BTBD9: variants seen among roughly 807,000 people sequenced by gnomAD.
BTBD9 encodes BTB/POZ domain-containing protein 9.
Under a neutral mutation model 64.3 loss-of-function variants are expected in BTBD9, and 49 were observed. The observed-to-expected ratio is 0.76, with a 90% confidence interval of 0.61 to 0.97. The LOEUF (loss-of-function observed/expected upper bound fraction) is 0.97. BTBD9 is among the 50% of genes least tolerant of loss of function. BTBD9 has a pLI of 0.00. For missense variants in BTBD9, 598 were observed against 762.1 expected (o/e 0.78, Z 2.53); for synonymous variants, 260 against 274.7 (o/e 0.95, Z 0.53).
chr6:38,432,647 CTT>C (rs1582420800), intron 6 of BTBD9, among the ~76,000 whole-genome samples: 1 of 152,022 alleles, frequency 6.6e-6, no homozygotes, highest in East Asian at 1.9e-4. Flanking sequence ...GTTTTTCAGA[CTT>C]TTGCATTCTG....
chr6:38,598,128 T>C lies in BTBD9; in HGVS notation c.-27-7A>G, dbSNP rs1418624193. On this transcript the variant is annotated splice_polypyrimidine_tract_variant and splice_region_variant and intron_variant, in intron 1 of 10. Coordinates refer to ENST00000481247, the MANE Select transcript of BTBD9 (RefSeq NM_001099272.2). ...ATAGACGATAGTCGTTGTTCTATCA[T>C]ATAAAGAAGGAATGAGAGTTAGTTG... is the stretch of plus-strand genomic sequence containing the variant. 3.8e-6 allele frequency: 6 copies of C among 1,592,756 alleles called. No individual in the cohort carries two copies. The highest frequency in any genetic ancestry group is 5.1e-6 in the Non-Finnish European group (6 of 1,166,262).
At chr6:38,515,257 G>A (rs938171556) in intron 6 of BTBD9, among the ~76,000 whole-genome samples, 4 of 152,088 alleles carry the variant, frequency 2.6e-5, no homozygotes, top group Non-Finnish European at 5.9e-5. Context: ...CTTAAAGAGC[G>A]GATTTAATGA....
At chr6:38,245,939 T>C (rs1764178748) in intron 9 of BTBD9, among the ~76,000 whole-genome samples, 1 of 152,198 alleles carries the variant, frequency 6.6e-6, no homozygotes, top group Non-Finnish European at 1.5e-5. Context: ...GAAAAAATTA[T>C]TACCCTCACA....
intron 6 of BTBD9, among the ~76,000 whole-genome samples, chr6:38,519,605 A>C (rs1773195404): frequency 6.6e-6 from 1 of 152,232 alleles, no homozygotes; most frequent in African/African-American, 2.4e-5. Context: ...GGAGGAACTC[A>C]AGCTGCAGTC....
At chr6:38,450,272 A>G (rs553342545) in intron 6 of BTBD9, among the ~76,000 whole-genome samples, 1 of 152,200 alleles carries the variant, frequency 6.6e-6, no homozygotes, top group Non-Finnish European at 1.5e-5. Flanking sequence ...TTTAGCAGGG[A>G]GGAGAAGATG....
intron 6 of BTBD9, among the ~76,000 whole-genome samples, chr6:38,509,615 A>C (rs1273070786): frequency 1.3e-5 from 2 of 152,192 alleles, no homozygotes. Context: ...TAACTACACA[A>C]TACTTTAGTA....
At chr6:38,282,942 C>G (rs1454478628) in intron 8 of BTBD9, among the ~76,000 whole-genome samples, 1 of 152,184 alleles carries the variant, frequency 6.6e-6, no homozygotes, top group Non-Finnish European at 1.5e-5. Flanking sequence ...ACTAGAATGT[C>G]AGTTCCATGA....
chr6:38,385,187 T>C (rs1258128004), intron 6 of BTBD9, among the ~76,000 whole-genome samples: 1 of 148,706 alleles, frequency 6.7e-6, no homozygotes, highest in South Asian at 2.2e-4. Flanking sequence ...GTGAAAATCT[T>C]ACGTACTTTT....
Position 38,302,487 on chromosome 6 carries a change from A to ATG in BTBD9, c.1265-14027_1265-14026insCA, listed in dbSNP as rs551031528. ...GAATAATATTCCATTGTGTGTATGT[A>ATG]TATATATATATATATATATATATAT... On this transcript the variant is annotated intron_variant, in intron 7 of 10. Transcript: ENST00000481247. 1.3e-3 allele frequency among the ~76,000 whole-genome samples: 28 copies of ATG among 20,852 alleles called. 1 individual carries two copies. The highest frequency in any genetic ancestry group is 4.0e-3 in the East Asian group (2 of 502). The allele number at this position is 20,852 out of a possible 152,430, so 13.7% of individuals were successfully genotyped here.
At chr6:38,303,123 G>A (rs1368946735) in intron 7 of BTBD9, among the ~76,000 whole-genome samples, 6 of 151,996 alleles carry the variant, frequency 3.9e-5, no homozygotes, top group South Asian at 2.1e-4. Context: ...TGCCTTTGCC[G>A]TGCAGAAGCT....
intron 6 of BTBD9, among the ~76,000 whole-genome samples, chr6:38,403,728 T>C (rs949530103): frequency 1.3e-5 from 2 of 152,204 alleles, no homozygotes; most frequent in African/African-American, 4.8e-5. Flanking sequence ...TACTCCTAGT[T>C]ATATACTCAA....
chr6:38,501,796 G>A lies in BTBD9; in HGVS notation c.1154+75804C>T, dbSNP rs961924487. Among the ~76,000 whole-genome samples, 9 of 37,322 alleles carry A rather than the reference G, an allele frequency of 2.4e-4. No homozygotes were observed. The Admixed American group carries it at 2.9e-3, about 12-fold the overall frequency. 24.5% of individuals were successfully genotyped at this position (37,322 alleles called of 152,430 possible). ...AATCCAGCAGTCTTCTCTTTATTAT[G>A]CCAGACATTAAGATTTGCAAGGCTA... On this transcript the variant is annotated intron_variant, in intron 6 of 10. Coordinates refer to ENST00000481247, the MANE Select transcript of BTBD9 (RefSeq NM_001099272.2).
intron 6 of BTBD9, among the ~76,000 whole-genome samples, chr6:38,366,936 G>C (rs1206165195): frequency 1.3e-5 from 2 of 152,222 alleles, no homozygotes; most frequent in Non-Finnish European, 2.9e-5. Context: ...TGCTCTCAAT[G>C]TCCTGACTAT....
chr6:38,589,837 C>G (rs934336532), intron 4 of BTBD9, among the ~76,000 whole-genome samples: 1 of 152,164 alleles, frequency 6.6e-6, no homozygotes, highest in African/African-American at 2.4e-5. Context: ...CATAGGAAAG[C>G]TCTCTCCTCC....
Position 38,527,987 on chromosome 6 carries a change from T to A in BTBD9, c.1154+49613A>T, listed in dbSNP as rs188988505. Among the ~76,000 whole-genome samples, 166 of 152,076 alleles carry A rather than the reference T, an allele frequency of 1.1e-3. 1 individual carries two copies. Among genetic ancestry groups the A allele is most frequent in the African/African-American group, 3.9e-3 (161 of 41,436 alleles). On this transcript the variant is annotated intron_variant, in intron 6 of 10. Transcript: ENST00000481247. ...AGTCAGGTAAGTGATCATAATAATATTATATTAAGGAAAGAGGCACTGAAG... is the reference window on the plus strand; with the variant it reads ...AGTCAGGTAAGTGATCATAATAATAATATATTAAGGAAAGAGGCACTGAAG...
At chr6:38,589,057 T>TA (rs1173448759) in intron 4 of BTBD9, among the ~76,000 whole-genome samples, 3 of 152,232 alleles carry the variant, frequency 2.0e-5, no homozygotes, top group Non-Finnish European at 1.5e-5. Context: ...AAAACAGACT[T>TA]ACTTAATCAT....
chr6:38,205,739 C>A (rs899041217), intron 9 of BTBD9, among the ~76,000 whole-genome samples: 2 of 151,374 alleles, frequency 1.3e-5, no homozygotes, highest in Non-Finnish European at 2.9e-5. Context: ...CAAAAATTAG[C>A]CAGGCATGGT....
At chr6:38,404,829 G>A (rs1290599702) in intron 6 of BTBD9, among the ~76,000 whole-genome samples, 1 of 152,198 alleles carries the variant, frequency 6.6e-6, no homozygotes, top group Non-Finnish European at 1.5e-5. Flanking sequence ...CAGTTCCAGA[G>A]TGGCCCGCAC....
chr6:38,574,117 C>T (rs1019122063), intron 6 of BTBD9, among the ~76,000 whole-genome samples: 3 of 152,158 alleles, frequency 2.0e-5, no homozygotes, highest in Non-Finnish European at 4.4e-5. Flanking sequence ...GAGCAATCCC[C>T]ACTTAACTCA....
Sources: gnomAD v4.1 joint callset for allele counts (sites outside exome capture counted in the v4.1 genomes callset) on GRCh38, gnomAD v4.1.1 for gene constraint, MANE v1.5 for transcripts, NCBI Gene and HGNC (gene_info 2026-07-23, HGNC 2026-07-21) for gene names.